The following NAV1 variants were observed in gnomAD, a reference collection of about 807,000 sequenced individuals.
NAV1 encodes pore membrane and/or filament interacting like protein 3.
Under a neutral mutation model 175.2 loss-of-function variants are expected in NAV1, and 18 were observed. The observed-to-expected ratio is 0.10, with a 90% CI of 0.07 to 0.15. NAV1 has a LOEUF of 0.15. NAV1 is among the 10% of genes least tolerant of loss of function. The pLI, the probability that NAV1 is intolerant of heterozygous loss-of-function variation, is 1.00. For synonymous variants in NAV1, 897 were observed against 978.7 expected, an observed-to-expected ratio of 0.92 and a Z score of 1.56; for missense variants, 1,731 against 2,436.6, an observed-to-expected ratio of 0.71 and a Z score of 6.10.
chr1:201,767,579 A>T (rs1376746293), intron 3 of NAV1, among the ~76,000 whole-genome samples: 1 of 152,238 alleles, frequency 6.6e-6, no homozygotes, highest in Non-Finnish European at 1.5e-5. Context: ...GATAATTAAG[A>T]TATATTTTCC....
At chr1:201,668,761 C>T (rs779130197) in intron 1 of NAV1, among the ~76,000 whole-genome samples, 6 of 152,166 alleles carry the variant, frequency 3.9e-5, no homozygotes, top group Non-Finnish European at 5.9e-5. Context: ...CCTGCCTGTT[C>T]CAGACCCCAT....
At chr1:201,780,874 G>T (rs571911360) in intron 4 of NAV1, 138 bp from the exon 9 acceptor site, 1,045 of 1,014,980 alleles carry the variant, frequency 1.0e-3, no homozygotes, top group Non-Finnish European at 1.1e-3. Flanking sequence ...AACCCTAGGG[G>T]TATAGGTAGA....
At chr1:201,693,393 G>T (rs145317592) in intron 1 of NAV1, among the ~76,000 whole-genome samples, 1 of 152,328 alleles carries the variant, frequency 6.6e-6, no homozygotes, top group East Asian at 1.9e-4. Flanking sequence ...GCTGAATGGA[G>T]GCTGCTCACT....
chr1:201,591,748 G>A (rs563804802), intron 2 of NAV1, among the ~76,000 whole-genome samples: 8 of 152,060 alleles, frequency 5.3e-5, no homozygotes, highest in Non-Finnish European at 1.2e-4. Context: ...CTCCCTCTCA[G>A]CGGCATTGTC....
At chr1:201,743,892 A>AT (rs1031626391) in intron 3 of NAV1, among the ~76,000 whole-genome samples, 39 of 151,930 alleles carry the variant, frequency 2.6e-4, no homozygotes, top group African/African-American at 6.8e-4. Flanking sequence ...TTAAAAGATG[A>AT]TTTTTTTTGT....
chr1:201,822,990 T>C, exon 30 of NAV1: 1 of 152,780 alleles, frequency 6.5e-6, no homozygotes, highest in Non-Finnish European at 1.5e-5. Flanking sequence ...CTCTCCCACC[T>C]ACGTCCTGCT....
intron 1 of NAV1, among the ~76,000 whole-genome samples, chr1:201,540,627 T>G (rs951988632): frequency 5.9e-5 from 9 of 152,240 alleles, no homozygotes; most frequent in Non-Finnish European, 1.2e-4. Flanking sequence ...TTATGACATT[T>G]TTTTAAATCC....
chr1:201,618,802 G>A (rs1347511737), upstream of NAV1, among the ~76,000 whole-genome samples: 1 of 152,160 alleles, frequency 6.6e-6, no homozygotes, highest in Non-Finnish European at 1.5e-5. Flanking sequence ...TAGAAACAAT[G>A]TCTCAATACA....
chr1:201,739,934 A>G, intron 3 of NAV1: 1 of 1,361,036 alleles, frequency 7.3e-7, no homozygotes. Flanking sequence ...CACAGCTCAT[A>G]CCTTTTCGGG....
chr1:201,771,600 C>G (rs762525671), intron 3 of NAV1, among the ~76,000 whole-genome samples: 2 of 152,062 alleles, frequency 1.3e-5, no homozygotes, highest in African/African-American at 2.4e-5. Flanking sequence ...ATCCTAGCAG[C>G]CTAACAGCGG....
intron 3 of NAV1, chr1:201,724,208 C>G (rs753992122): frequency 6.6e-6 from 1 of 152,182 alleles, no homozygotes; most frequent in Non-Finnish European, 1.5e-5. Flanking sequence ...ATTTTTACCA[C>G]TTGGAAATAC....
At chr1:201,623,221 A>C in exon 1 of NAV1, 1 of 986,070 alleles carries the variant, frequency 1.0e-6, no homozygotes, top group Non-Finnish European at 1.2e-6. Context: ...AGCCCTCTCC[A>C]GCCGGGCTGG....
chr1:201,565,774 A>C (rs1253316787), intron 1 of NAV1, among the ~76,000 whole-genome samples: 1 of 152,090 alleles, frequency 6.6e-6, no homozygotes, highest in Non-Finnish European at 1.5e-5. Flanking sequence ...AGGCCCACAC[A>C]GTTGAAGGTG....
At chr1:201,604,122 C>T (rs2102238087) in intron 2 of NAV1, among the ~76,000 whole-genome samples, 1 of 152,302 alleles carries the variant, frequency 6.6e-6, no homozygotes, top group Non-Finnish European at 1.5e-5. Context: ...GTGGCACGAT[C>T]ACTGCTCACT....
rs1029528886 is a variant in NAV1 at position 201,581,649 on chromosome 1, C to T, written c.-143-6890C>T. On this transcript the variant is annotated intron_variant, in intron 1 of 33. Transcript: ENST00000685211. The stretch of plus-strand genomic sequence containing the variant: ...TTCCAGACCAGCCTGGTCAACATGG[C>T]GAAACCCTGTCTGTACTAAAAATAC... 3.3e-5 allele frequency among the ~76,000 whole-genome samples: 5 copies of T among 151,628 alleles called. No homozygotes were observed. The East Asian group carries it at 5.8e-4, about 18-fold the overall frequency.
chr1:201,762,584 A>G (rs563809613), intron 3 of NAV1, among the ~76,000 whole-genome samples: 5 of 152,374 alleles, frequency 3.3e-5, no homozygotes, highest in Admixed American at 3.3e-4. Flanking sequence ...ATTTGTTTAC[A>G]TACTATCTAT....
chr1:201,644,194 A>T (rs188026699), upstream of NAV1, among the ~76,000 whole-genome samples: 5 of 152,242 alleles, frequency 3.3e-5, no homozygotes, highest in Admixed American at 1.3e-4. Context: ...TTGATCATTG[A>T]TGGTAGAATC....
chr1:201,662,413 G>T (rs933541116), intron 1 of NAV1, among the ~76,000 whole-genome samples: 2 of 152,234 alleles, frequency 1.3e-5, no homozygotes, highest in Non-Finnish European at 2.9e-5. Context: ...TGCTACAGGG[G>T]ATAGGTGTGC....
intron 1 of NAV1, among the ~76,000 whole-genome samples, chr1:201,700,586 T>C (rs1671372890): frequency 6.6e-6 from 1 of 152,206 alleles, no homozygotes; most frequent in South Asian, 2.1e-4. Flanking sequence ...CATTACTAAG[T>C]ATATACCCAA....
Sources: gnomAD v4.1 joint callset for allele counts (sites outside exome capture counted in the v4.1 genomes callset) on GRCh38, gnomAD v4.1.1 for gene constraint, MANE v1.5 for transcripts, NCBI Gene and HGNC (gene_info 2026-07-23, HGNC 2026-07-21) for gene names.